Variants in GFRA1 observed in about 807,000 individuals in gnomAD.
The protein encoded by GFRA1 is GDNF family receptor alpha-1.
In GFRA1, 16 loss-of-function variants were observed where a neutral mutation model predicts 51.6. That is an observed-to-expected ratio of 0.31 (90% CI 0.21 to 0.47). The LOEUF is 0.47. Ranked by LOEUF, GFRA1 falls within the 20% of genes least tolerant of loss-of-function variation. GFRA1 has a pLI of 1.00. For missense variants in GFRA1, 530 were observed against 594.3 expected (o/e 0.89, Z 1.13); for synonymous variants, 270 against 241.3 (o/e 1.12, Z -1.10).
intron 9 of GFRA1, among the ~76,000 whole-genome samples, chr10:116,067,889 T>C (rs563258990): frequency 1.3e-5 from 2 of 152,294 alleles, no homozygotes; most frequent in South Asian, 2.1e-4. Context: ...GGAAAATGCA[T>C]TTCGATCAGC....
chr10:116,093,783 A>G lies in GFRA1; in HGVS notation c.934T>C (p.Trp312Arg), dbSNP rs562096422. ...IDSSSLSVAP[W>R]CDCSNSGNDL... ...TTCCCACTGTTGCTGCAGTCACACC[A>G]TGGGGCCACACTGAGGCTACTGGAG... Residue 312 changes from tryptophan to arginine, a missense_variant, in exon 8 of 11, where the codon TGG becomes CGG. Physicochemically the swap from Trp to Arg is moderately radical, Grantham distance 101. Transcript: ENST00000355422. The G allele has an allele frequency of 4.3e-6, 7 of 1,613,798 alleles. No homozygotes were observed. The highest frequency in any genetic ancestry group is 3.3e-5 in the Admixed American group (2 of 60,028).
chr10:116,064,632 C>G, intron 10 of GFRA1, 88 bp from the exon 11 acceptor site: 1 of 1,230,246 alleles, frequency 8.1e-7, no homozygotes, highest in South Asian at 1.2e-5. Flanking sequence ...CCCGACTCCC[C>G]ACTGGCTGAC....
intron 9 of GFRA1, among the ~76,000 whole-genome samples, chr10:116,072,759 T>TCAAAACAAAA (rs751604948): frequency 6.6e-6 from 1 of 152,084 alleles, no homozygotes; most frequent in Non-Finnish European, 1.5e-5. Flanking sequence ...AGACTCCATC[T>TCAAAACAAAA]CAAAACAAAA....
At chr10:116,212,960 C>T (rs567141109) in intron 4 of GFRA1, among the ~76,000 whole-genome samples, 13 of 152,308 alleles carry the variant, frequency 8.5e-5, no homozygotes, top group African/African-American at 2.2e-4. Context: ...TCCAAAAGTA[C>T]GCTCATTTGC....
chr10:116,252,470 C>A (rs758033685), intron 4 of GFRA1, among the ~76,000 whole-genome samples: 3 of 152,160 alleles, frequency 2.0e-5, no homozygotes, highest in Admixed American at 6.5e-5. Flanking sequence ...GCAGGTGATA[C>A]CAAGTGAGGT....
At chr10:116,233,681 G>C (rs1466916427) in intron 4 of GFRA1, among the ~76,000 whole-genome samples, 2 of 152,144 alleles carry the variant, frequency 1.3e-5, no homozygotes, top group Admixed American at 6.5e-5. Flanking sequence ...TGACTCATCA[G>C]GTGCTCCCCA....
At chr10:116,133,762 G>A (rs761410593) in intron 5 of GFRA1, among the ~76,000 whole-genome samples, 3 of 152,250 alleles carry the variant, frequency 2.0e-5, no homozygotes, top group Non-Finnish European at 1.5e-5. Flanking sequence ...GGAGTACATG[G>A]ACCAATGATT....
intron 4 of GFRA1, among the ~76,000 whole-genome samples, chr10:116,227,648 G>T (rs1169872105): frequency 6.6e-6 from 1 of 152,186 alleles, no homozygotes; most frequent in Non-Finnish European, 1.5e-5. Flanking sequence ...GAAGTAGAAG[G>T]CAGTGTCATT....
chr10:116,095,781 GAC>G (rs1956545070), intron 7 of GFRA1, among the ~76,000 whole-genome samples: 2 of 152,172 alleles, frequency 1.3e-5, no homozygotes, highest in South Asian at 4.1e-4. Flanking sequence ...GTGTGACCCT[GAC>G]ACAGACAGCC....
chr10:116,115,611 C>G (rs932790503), intron 6 of GFRA1, among the ~76,000 whole-genome samples: 2 of 152,150 alleles, frequency 1.3e-5, no homozygotes, highest in Admixed American at 1.3e-4. Flanking sequence ...TTTCCCCACG[C>G]GAAGATGAGA....
rs187533634 is a variant in GFRA1, at chr10:116,216,549, G to A, written c.419-4904C>T. Among the ~76,000 whole-genome samples, 225 of 152,320 alleles carry A rather than the reference G, an allele frequency of 1.5e-3. 1 individual carries two copies. The highest frequency in any genetic ancestry group is 5.1e-3 in the African/African-American group (210 of 41,568). Reference sequence around the variant, plus strand: ...GGTATGGCAAACAGTGAAACTGTGCGTGACTTCCATAAAACTGGGGGTGGT... The same window carrying A: ...GGTATGGCAAACAGTGAAACTGTGCATGACTTCCATAAAACTGGGGGTGGT... On this transcript the variant is annotated intron_variant, in intron 4 of 10. Transcript: ENST00000355422.
intron 5 of GFRA1, 39 bp from the exon 6 acceptor site, chr10:116,125,596 C>G (rs7914438): frequency 6.8e-7 from 1 of 1,477,144 alleles, no homozygotes. Context: ...TCACAGTGCT[C>G]GGCTCTGTGT....
At chr10:116,125,578 A>G in intron 5 of GFRA1, 21 bp from the exon 6 acceptor site, 4 of 1,587,516 alleles carry the variant, frequency 2.5e-6, no homozygotes, top group Non-Finnish European at 2.6e-6. Flanking sequence ...AGAGAAAGAC[A>G]GGCATGGTCA....
intron 5 of GFRA1, among the ~76,000 whole-genome samples, chr10:116,151,342 T>A (rs1052238484): frequency 1.3e-5 from 2 of 152,120 alleles, no homozygotes; most frequent in Admixed American, 6.5e-5. Context: ...ACTCTGGCAG[T>A]TTATGTTACT....
At chr10:116,067,398 C>T (rs1477181730) in intron 9 of GFRA1, among the ~76,000 whole-genome samples, 4 of 152,178 alleles carry the variant, frequency 2.6e-5, no homozygotes, top group Non-Finnish European at 5.9e-5. Context: ...TACTGAATTG[C>T]ACAGGGAAGG....
intron 5 of GFRA1, among the ~76,000 whole-genome samples, chr10:116,205,494 C>A (rs1388733513): frequency 6.6e-6 from 1 of 151,380 alleles, no homozygotes; most frequent in Non-Finnish European, 1.5e-5. Context: ...AGAATCACTT[C>A]AACCTGGGAG....
intron 9 of GFRA1, among the ~76,000 whole-genome samples, chr10:116,067,412 C>T (rs1955164147): frequency 1.3e-5 from 2 of 152,170 alleles, no homozygotes; most frequent in South Asian, 4.1e-4. Context: ...GGGAAGGCAG[C>T]GTGGTTTCTA....
At chr10:116,106,624 ACCTC>A (rs1957017083) in intron 6 of GFRA1, among the ~76,000 whole-genome samples, 1 of 151,562 alleles carries the variant, frequency 6.6e-6, no homozygotes, top group Non-Finnish European at 1.5e-5. Flanking sequence ...AGTGTGTGGC[ACCTC>A]CCTCCACTTT....
intron 9 of GFRA1, among the ~76,000 whole-genome samples, chr10:116,081,931 G>A (rs1403214888): frequency 6.6e-6 from 1 of 152,206 alleles, no homozygotes; most frequent in Non-Finnish European, 1.5e-5. Flanking sequence ...CTCAAAGGCA[G>A]TAGTGTGCAT....
Sources: gnomAD v4.1 joint callset for allele counts (sites outside exome capture counted in the v4.1 genomes callset) on GRCh38, gnomAD v4.1.1 for gene constraint, MANE v1.5 for transcripts, NCBI Gene and HGNC (gene_info 2026-07-23, HGNC 2026-07-21) for gene names.